Variants in MED20 observed in about 807,000 individuals in gnomAD.
The protein encoded by MED20 is mediator of RNA polymerase II transcription subunit 20.
A neutral mutation model predicts 19.7 loss-of-function variants in MED20; 19 were observed. The observed-to-expected ratio is 0.96, with a 90% CI of 0.67 to 1.42. The LOEUF (loss-of-function observed/expected upper bound fraction) is 1.42, where lower values mean the gene tolerates loss of function less well. Ranked by LOEUF, MED20 falls within the 40% of genes most tolerant of loss-of-function variation. The pLI is 0.00. For synonymous variants in MED20, 105 were observed against 104.8 expected (o/e 1.00, Z -0.01); for missense variants, 225 against 273.0 (o/e 0.82, Z 1.24).
intron 1 of MED20, 101 bp downstream of exon 1, chr6:41,920,904 A>C: frequency 1.4e-6 from 2 of 1,455,416 alleles, no homozygotes; most frequent in Non-Finnish European, 9.3e-7. Flanking sequence ...ACCCGAGGAC[A>C]TCTCCCTCAG....
intron 3 of MED20, among the ~76,000 whole-genome samples, chr6:41,907,964 G>A (rs554673367): frequency 8.5e-5 from 13 of 152,218 alleles, no homozygotes; most frequent in Admixed American, 4.6e-4. Flanking sequence ...GTCCTCAGTG[G>A]GTCTCAGCAA....
intron 1 of MED20, chr6:41,917,893 C>A: frequency 2.5e-6 from 1 of 404,798 alleles, no homozygotes; most frequent in Non-Finnish European, 5.5e-6. Context: ...TTTCCATCAT[C>A]ACAGAAAGTG....
intron 1 of MED20, among the ~76,000 whole-genome samples, 166 bp from the exon 2 acceptor site, chr6:41,917,105 A>T (rs1171599719): frequency 6.6e-6 from 1 of 152,104 alleles, no homozygotes; most frequent in Non-Finnish European, 1.5e-5. Flanking sequence ...ATTTTTAATT[A>T]AAAAAAATTT....
At chr6:41,917,966 T>C (rs1307096487) in intron 1 of MED20, 1 of 284,148 alleles carries the variant, frequency 3.5e-6, no homozygotes, top group Non-Finnish European at 7.9e-6. Context: ...TCTTTGGGAA[T>C]GAGAGGCAAC....
Position 41,916,865 on chromosome 6 carries a change from A to T in MED20, c.89T>A (p.Met30Lys). 1 of 1,614,046 alleles carries T rather than the reference A, an allele frequency of 6.2e-7. No individual in the cohort carries two copies. Among genetic ancestry groups the T allele is most frequent in the Non-Finnish European group, 8.5e-7 (1 of 1,179,986 alleles). Residue 30 changes from methionine (M) to lysine (K), a missense_variant, in exon 2 of 4, where the codon ATG (methionine) becomes AAG (lysine). Transcript: ENST00000265350. The stretch of plus-strand genomic sequence containing the variant: ...TGTTCCTTGCTTCTCTGCCCCAAGC[A>T]TCTCCAATTTCCGGGTAAGGAGCTC... ...TVELLTRKLE[M>K]LGAEKQGTFC...
At chr6:41,920,043 G>A (rs770966388) in intron 1 of MED20, among the ~76,000 whole-genome samples, 2 of 152,160 alleles carry the variant, frequency 1.3e-5, no homozygotes, top group South Asian at 2.1e-4. Context: ...CACATCTACT[G>A]AGATAAGAAA....
intron 2 of MED20, among the ~76,000 whole-genome samples, chr6:41,913,791 G>A (rs995486837): frequency 1.3e-5 from 2 of 152,104 alleles, no homozygotes; most frequent in Non-Finnish European, 1.5e-5. Context: ...CCAGCTACTC[G>A]GGAGGCTGAG....
intron 1 of MED20, chr6:41,917,751 C>G: frequency 6.4e-6 from 3 of 471,172 alleles, no homozygotes; most frequent in South Asian, 4.6e-5. Flanking sequence ...TCAGTTCTGA[C>G]TACATCAAGG....
chr6:41,909,006 G>A, intron 3 of MED20: 1 of 507,004 alleles, frequency 2.0e-6, no homozygotes, highest in Middle Eastern at 5.1e-4. Context: ...AACATAGTAA[G>A]ACCTCATTTC....
intron 1 of MED20, 72 bp from the exon 2 acceptor site, chr6:41,917,011 A>C: frequency 6.5e-7 from 1 of 1,534,198 alleles, no homozygotes; most frequent in African/African-American, 1.4e-5. Context: ...TCACTCGCCC[A>C]CAGCATCACA....
At chr6:41,910,315 A>G (rs989127102) in intron 2 of MED20, among the ~76,000 whole-genome samples, 1 of 152,204 alleles carries the variant, frequency 6.6e-6, no homozygotes, top group Non-Finnish European at 1.5e-5. Context: ...GGAAAGCTAT[A>G]CACATTTAGT....
At chr6:41,908,437 ACT>A (rs369566310) in intron 3 of MED20, among the ~76,000 whole-genome samples, 66 of 151,998 alleles carry the variant, frequency 4.3e-4, no homozygotes, top group Middle Eastern at 3.4e-3. Context: ...ACACACACAC[ACT>A]CTCTGTGTCA....
At chr6:41,918,356 TAGCC>T (rs898021548) in intron 1 of MED20, among the ~76,000 whole-genome samples, 3 of 149,994 alleles carry the variant, frequency 2.0e-5, no homozygotes, top group African/African-American at 7.4e-5. Flanking sequence ...ATACAAAACT[TAGCC>T]AGGCATGGTG....
At chr6:41,918,173 T>C (rs1335973413) in intron 1 of MED20, among the ~76,000 whole-genome samples, 1 of 152,168 alleles carries the variant, frequency 6.6e-6, no homozygotes, top group African/African-American at 2.4e-5. Flanking sequence ...ATCCTCACGA[T>C]AGTCCTATGA....
chr6:41,906,356 T>C lies in MED20; in HGVS notation c.*716A>G, dbSNP rs1775047045. 1 of 152,226 alleles carries C rather than the reference T, an allele frequency of 6.6e-6. No individual in the cohort carries two copies. Among genetic ancestry groups the C allele is most frequent in the African/African-American group, 2.4e-5 (1 of 41,444 alleles). The allele number at this position is 152,226 out of a possible 1,614,324, so 9.4% of individuals were successfully genotyped here. ...AGACAGAAGGAAACAAAGTTCCTGA[T>C]AACCTTGTAGAGTTAAATCTGCCCT... On this transcript the variant is annotated 3_prime_UTR_variant, in exon 4 of 4. Transcript: ENST00000265350.
At chr6:41,917,261 G>A (rs1056899972) in intron 1 of MED20, among the ~76,000 whole-genome samples, 10 of 152,212 alleles carry the variant, frequency 6.6e-5, no homozygotes, top group South Asian at 6.2e-4. Flanking sequence ...TTAGCTGGGC[G>A]TGGTAGCGGA....
chr6:41,918,411 G>A (rs1775371155), intron 1 of MED20, among the ~76,000 whole-genome samples: 2 of 152,060 alleles, frequency 1.3e-5, no homozygotes, highest in Non-Finnish European at 2.9e-5. Flanking sequence ...GGCTGAGGCA[G>A]GAGAATCACT....
At chr6:41,920,380 A>T (rs1223426751) in intron 1 of MED20, among the ~76,000 whole-genome samples, 1 of 152,158 alleles carries the variant, frequency 6.6e-6, no homozygotes, top group Non-Finnish European at 1.5e-5. Flanking sequence ...CTTAAAAAAT[A>T]CTATCTCCTG....
intron 2 of MED20, 110 bp downstream of exon 2, chr6:41,916,675 C>A: frequency 1.5e-6 from 2 of 1,348,142 alleles, no homozygotes; most frequent in East Asian, 2.3e-5. Context: ...CATCTCGCCA[C>A]ATGTTTAAGA....
Sources: gnomAD v4.1 joint callset for allele counts (sites outside exome capture counted in the v4.1 genomes callset) on GRCh38, gnomAD v4.1.1 for gene constraint, MANE v1.5 for transcripts, NCBI Gene and HGNC (gene_info 2026-07-23, HGNC 2026-07-21) for gene names.